The following LUZP2 variants were observed in gnomAD, a reference collection of about 807,000 sequenced individuals.
LUZP2 encodes leucine zipper protein 2.
A neutral mutation model predicts 51.6 loss-of-function variants in LUZP2; 52 were observed. The observed-to-expected ratio is 1.01, with a 90% CI of 0.81 to 1.27. LUZP2 has a LOEUF of 1.27. Ranked by LOEUF, LUZP2 falls within the 50% of genes most tolerant of loss-of-function variation. The pLI is 0.00. For synonymous variants in LUZP2, 154 were observed against 137.3 expected (o/e 1.12, Z -0.85); for missense variants, 436 against 395.4 (o/e 1.10, Z -0.87).
chr11:25,072,151 C>T (rs1859177320), intron 10 of LUZP2, among the ~76,000 whole-genome samples: 1 of 152,076 alleles, frequency 6.6e-6, no homozygotes, highest in Non-Finnish European at 1.5e-5. Context: ...CATAGATATG[C>T]CTGATCTCAA....
chr11:24,791,988 CAGCT>C (rs1849422331), intron 5 of LUZP2, among the ~76,000 whole-genome samples: 1 of 149,386 alleles, frequency 6.7e-6, no homozygotes, highest in Non-Finnish European at 1.5e-5. Context: ...ATCCAAATAG[CAGCT>C]TTTTTCTTCC....
intron 1 of LUZP2, among the ~76,000 whole-genome samples, chr11:24,500,982 G>A (rs1436663923): frequency 1.3e-5 from 2 of 152,128 alleles, no homozygotes; most frequent in Non-Finnish European, 2.9e-5. Context: ...TAAACACAAT[G>A]AGAACACACA....
At chr11:24,919,981 G>T (rs962326496) in intron 7 of LUZP2, among the ~76,000 whole-genome samples, 1 of 151,720 alleles carries the variant, frequency 6.6e-6, no homozygotes, top group Admixed American at 6.6e-5. Context: ...ACACAACCAT[G>T]ACAAGTTGTG....
At chr11:24,601,689 G>T (rs1853642051) in intron 1 of LUZP2, among the ~76,000 whole-genome samples, 2 of 151,298 alleles carry the variant, frequency 1.3e-5, no homozygotes, top group South Asian at 2.1e-4. Flanking sequence ...GATAATATGA[G>T]AAAAAATTAA....
chr11:24,969,117 G>A (rs552935014), intron 7 of LUZP2, among the ~76,000 whole-genome samples: 9 of 152,052 alleles, frequency 5.9e-5, no homozygotes, highest in Admixed American at 1.3e-4. Context: ...TTTAATCCCA[G>A]TACCCAATAG....
Position 24,729,152 on chromosome 11 carries a change from T to C in LUZP2, c.63-17T>C. 2.1e-6 allele frequency: 3 copies of C among 1,413,346 alleles called. No individual in the cohort carries two copies. The highest frequency in any genetic ancestry group is 2.9e-6 in the Non-Finnish European group (3 of 1,044,706). The allele number at this position is 1,413,346 out of a possible 1,614,324, so 87.6% of individuals were successfully genotyped here. Reference sequence around the variant, plus strand: ...GAACCATTTGGGGGGCTCTCATGCCTGTTCTTTCTGTGTTAGACAGGACTA... The same window carrying C: ...GAACCATTTGGGGGGCTCTCATGCCCGTTCTTTCTGTGTTAGACAGGACTA... On this transcript the variant is annotated splice_polypyrimidine_tract_variant and intron_variant, in intron 1 of 11. Transcript: ENST00000336930.
chr11:24,747,494 G>A (rs1382614122), intron 4 of LUZP2, among the ~76,000 whole-genome samples: 2 of 152,098 alleles, frequency 1.3e-5, no homozygotes, highest in African/African-American at 4.8e-5. Flanking sequence ...TAGCTCTGGT[G>A]GTTTCATGTT....
At chr11:24,683,707 T>G (rs1287015854) in intron 1 of LUZP2, among the ~76,000 whole-genome samples, 1 of 152,170 alleles carries the variant, frequency 6.6e-6, no homozygotes, top group Non-Finnish European at 1.5e-5. Flanking sequence ...TGGACATAAT[T>G]TATATTTCTC....
intron 1 of LUZP2, among the ~76,000 whole-genome samples, chr11:24,560,361 C>T (rs116284789): frequency 0.014 from 2,144 of 152,146 alleles, 39 homozygotes; most frequent in South Asian, 0.06. Context: ...ATACAAATAA[C>T]GCTTGATGTG....
intron 5 of LUZP2, among the ~76,000 whole-genome samples, chr11:24,775,183 G>T (rs1848879271): frequency 1.3e-5 from 2 of 152,062 alleles, no homozygotes. Context: ...CTTTTGAAAA[G>T]TATAATATAA....
chr11:24,768,873 T>A (rs1232773407), intron 5 of LUZP2, among the ~76,000 whole-genome samples: 1 of 152,200 alleles, frequency 6.6e-6, no homozygotes, highest in Admixed American at 6.5e-5. Context: ...AACTACCATA[T>A]GATCCAATAA....
At chr11:24,996,035 A>G (rs972465579) in intron 9 of LUZP2, among the ~76,000 whole-genome samples, 2 of 150,712 alleles carry the variant, frequency 1.3e-5, no homozygotes, top group African/African-American at 4.9e-5. Context: ...ATTTTTATAT[A>G]TTTTATTTTC....
At chr11:24,814,864 C>T (rs1265228899) in intron 5 of LUZP2, among the ~76,000 whole-genome samples, 9 of 152,056 alleles carry the variant, frequency 5.9e-5, no homozygotes, top group African/African-American at 7.2e-5. Context: ...TGGCGGTGTG[C>T]GCCTGTAGTC....
intron 1 of LUZP2, among the ~76,000 whole-genome samples, chr11:24,605,172 T>A (rs557500398): frequency 2.0e-5 from 3 of 151,960 alleles, no homozygotes; most frequent in Non-Finnish European, 4.4e-5. Context: ...TGAAATTATA[T>A]TTCACAGAGA....
chr11:24,868,786 T>G (rs1851968965), intron 5 of LUZP2, among the ~76,000 whole-genome samples: 1 of 152,130 alleles, frequency 6.6e-6, no homozygotes, highest in East Asian at 1.9e-4. Flanking sequence ...CATTTATACC[T>G]CTCTGCCTCC....
chr11:24,779,187 A>T (rs1419535560), intron 5 of LUZP2, among the ~76,000 whole-genome samples: 1 of 152,222 alleles, frequency 6.6e-6, no homozygotes, highest in African/African-American at 2.4e-5. Context: ...ATTTTTTTAA[A>T]ATAAAACATT....
Position 24,771,860 on chromosome 11 carries a change from C to T in LUZP2, c.396+8552C>T, listed in dbSNP as rs553992213. ...CAAGCTCTTCTTGCCTGACCTGACA[C>T]CGTGTAAGACATGACTTTGCTCCTC... On this transcript the variant is annotated intron_variant, in intron 5 of 11. Coordinates refer to ENST00000336930, the MANE Select transcript of LUZP2 (RefSeq NM_001009909.4). Among the ~76,000 whole-genome samples, 3 of 152,248 alleles carry T rather than the reference C, an allele frequency of 2.0e-5. No homozygotes were observed. The East Asian group carries it at 5.8e-4, about 29-fold the overall frequency.
At chr11:24,516,994 T>C (rs565113991) in intron 1 of LUZP2, among the ~76,000 whole-genome samples, 25 of 152,338 alleles carry the variant, frequency 1.6e-4, no homozygotes, top group African/African-American at 5.5e-4. Context: ...ATTTCCAGGT[T>C]TGATAATTTC....
At chr11:24,747,389 T>C (rs972371206) in intron 4 of LUZP2, among the ~76,000 whole-genome samples, 1 of 152,164 alleles carries the variant, frequency 6.6e-6, no homozygotes, top group African/African-American at 2.4e-5. Context: ...CAGAGTCTTA[T>C]GATGTGAGCC....
Sources: gnomAD v4.1 joint callset for allele counts (sites outside exome capture counted in the v4.1 genomes callset) on GRCh38, gnomAD v4.1.1 for gene constraint, MANE v1.5 for transcripts, NCBI Gene and HGNC (gene_info 2026-07-23, HGNC 2026-07-21) for gene names.